TMEM132B: variants seen among roughly 807,000 people sequenced by gnomAD.
TMEM132B encodes the protein transmembrane protein 132B.
A neutral mutation model predicts 90.8 loss-of-function variants in TMEM132B; 18 were observed. That is an observed-to-expected ratio of 0.20 (90% CI 0.14 to 0.29). The LOEUF is 0.29. Among genes scored for constraint, TMEM132B ranks in the 10% least tolerant of loss-of-function variants. TMEM132B has a pLI of 1.00. For missense variants in TMEM132B, 1,096 were observed against 1,326.8 expected, an observed-to-expected ratio of 0.83 and a Z score of 2.70; for synonymous variants, 504 against 523.3, an observed-to-expected ratio of 0.96 and a Z score of 0.50.
chr12:125,575,143 C>T (rs934081495), intron 4 of TMEM132B, among the ~76,000 whole-genome samples: 2 of 138,256 alleles, frequency 1.4e-5, no homozygotes, highest in African/African-American at 2.6e-5. Context: ...GAGGAAGCAC[C>T]AAACTTTTCC....
At chr12:125,284,073 T>C (rs1309994048) in intron 1 of TMEM132B, among the ~76,000 whole-genome samples, 1 of 152,232 alleles carries the variant, frequency 6.6e-6, no homozygotes, top group Non-Finnish European at 1.5e-5. Context: ...GACAGCCCTG[T>C]TTCCTAGGGG....
chr12:125,293,646 A>G (rs888401198), intron 1 of TMEM132B, among the ~76,000 whole-genome samples: 1 of 152,178 alleles, frequency 6.6e-6, no homozygotes, highest in Non-Finnish European at 1.5e-5. Flanking sequence ...TTTTATGGCT[A>G]TGTAATATTC....
chr12:125,371,765 G>C (rs1878298404), intron 2 of TMEM132B, among the ~76,000 whole-genome samples: 1 of 152,200 alleles, frequency 6.6e-6, no homozygotes, highest in Non-Finnish European at 1.5e-5. Context: ...AATTCAAAGG[G>C]ACAGTATTAG....
chr12:125,562,131 G>T lies in TMEM132B; in HGVS notation c.1294-21720G>T, dbSNP rs977298932. Among the ~76,000 whole-genome samples, 4 of 152,264 alleles carry T rather than the reference G, an allele frequency of 2.6e-5. No homozygotes were observed. The South Asian group carries it at 8.3e-4, about 32-fold the overall frequency. ...CCATCACCACTCACTGCTTCACCTT[G>T]TACTTTTATGTTACAAAGACAGTTT... is the stretch of plus-strand genomic sequence containing the variant. On this transcript the variant is annotated intron_variant, in intron 4 of 8. Transcript: ENST00000682704.
chr12:125,262,245 C>CAAAAAA (rs11307058), intron 1 of TMEM132B, among the ~76,000 whole-genome samples: 1 of 84,310 alleles, frequency 1.2e-5, no homozygotes. Context: ...CCTGTTTCTA[C>CAAAAAA]AAAAAAAAAA....
chr12:125,261,408 C>T (rs898226482), intron 1 of TMEM132B, among the ~76,000 whole-genome samples: 2 of 152,006 alleles, frequency 1.3e-5, no homozygotes, highest in Admixed American at 6.6e-5. Context: ...AGGTGGTCTT[C>T]GTTGCTCTAA....
intron 3 of TMEM132B, among the ~76,000 whole-genome samples, chr12:125,433,562 C>T (rs1880606734): frequency 6.7e-6 from 1 of 148,254 alleles, no homozygotes; most frequent in Admixed American, 6.8e-5. Flanking sequence ...GGTACATGTG[C>T]ACATTGTGCA....
intron 4 of TMEM132B, among the ~76,000 whole-genome samples, chr12:125,528,848 G>A (rs762876484): frequency 1.3e-5 from 2 of 152,148 alleles, no homozygotes; most frequent in Non-Finnish European, 2.9e-5. Context: ...CCAGGGATTG[G>A]TTTCATGGAA....
At chr12:125,197,184 G>A (rs1169730538) in intron 1 of TMEM132B, among the ~76,000 whole-genome samples, 4 of 152,068 alleles carry the variant, frequency 2.6e-5, no homozygotes, top group Non-Finnish European at 5.9e-5. Flanking sequence ...GCCCCAGTGT[G>A]TGTTGTTCCC....
At chr12:125,348,051 A>T (rs1877419013) in intron 1 of TMEM132B, among the ~76,000 whole-genome samples, 1 of 152,216 alleles carries the variant, frequency 6.6e-6, no homozygotes, top group Non-Finnish European at 1.5e-5. Context: ...ACATATGTAG[A>T]ATTTTAAAAC....
intron 5 of TMEM132B, among the ~76,000 whole-genome samples, chr12:125,593,624 A>G (rs941571391): frequency 6.6e-6 from 1 of 152,212 alleles, no homozygotes; most frequent in Non-Finnish European, 1.5e-5. Context: ...TCCCAGAGAC[A>G]TACTTATTTT....
chr12:125,424,006 A>G (rs1880243218), intron 3 of TMEM132B, among the ~76,000 whole-genome samples: 1 of 152,160 alleles, frequency 6.6e-6, no homozygotes, highest in Non-Finnish European at 1.5e-5. Flanking sequence ...TTTTCCAACA[A>G]TTTCAAGATT....
chr12:125,204,916 G>T (rs1247404361), intron 1 of TMEM132B, among the ~76,000 whole-genome samples: 9 of 120,682 alleles, frequency 7.5e-5, no homozygotes, highest in South Asian at 2.8e-4. Context: ...TGCCAGGCAG[G>T]GTGCTCAGCC....
intron 4 of TMEM132B, among the ~76,000 whole-genome samples, chr12:125,542,664 T>G (rs1883987413): frequency 6.6e-6 from 1 of 152,204 alleles, no homozygotes. Flanking sequence ...AGAATTTCCT[T>G]CCTTTTGAAG....
At chr12:125,265,589 C>T (rs1874672558) in intron 1 of TMEM132B, among the ~76,000 whole-genome samples, 2 of 152,166 alleles carry the variant, frequency 1.3e-5, no homozygotes. Context: ...CACAAGTGTA[C>T]AGCCTGACAA....
chr12:125,618,400 G>A (rs1479799469), intron 5 of TMEM132B, among the ~76,000 whole-genome samples: 1 of 152,166 alleles, frequency 6.6e-6, no homozygotes, highest in African/African-American at 2.4e-5. Flanking sequence ...TGGAGATGAG[G>A]AATGTTGGTA....
At chr12:125,608,993 A>G (rs1482781796) in intron 5 of TMEM132B, among the ~76,000 whole-genome samples, 1 of 152,194 alleles carries the variant, frequency 6.6e-6, no homozygotes, top group Admixed American at 6.5e-5. Flanking sequence ...CAGGCAACTT[A>G]CAATCATGGT....
At chr12:125,510,824 A>T (rs1882958615) in intron 3 of TMEM132B, among the ~76,000 whole-genome samples, 1 of 152,134 alleles carries the variant, frequency 6.6e-6, no homozygotes, top group African/African-American at 2.4e-5. Flanking sequence ...TATGTTTCTA[A>T]TTTTTATAAA....
intron 1 of TMEM132B, among the ~76,000 whole-genome samples, chr12:125,286,894 G>A (rs1875372263): frequency 6.6e-6 from 1 of 152,182 alleles, no homozygotes; most frequent in South Asian, 2.1e-4. Flanking sequence ...GTAGAGACGA[G>A]GTTTCACCAT....
Sources: gnomAD v4.1 joint callset for allele counts (sites outside exome capture counted in the v4.1 genomes callset) on GRCh38, gnomAD v4.1.1 for gene constraint, MANE v1.5 for transcripts, NCBI Gene and HGNC (gene_info 2026-07-23, HGNC 2026-07-21) for gene names.